The following KLF12 variants were observed in gnomAD, a reference collection of about 807,000 sequenced individuals.
KLF12 encodes Krueppel-like factor 12.
Under a neutral mutation model 37.8 loss-of-function variants are expected in KLF12, and 9 were observed. The observed-to-expected ratio is 0.24, with a 90% CI of 0.14 to 0.42. KLF12 has a LOEUF of 0.42. KLF12 is among the 10% of genes least tolerant of loss of function. The pLI, the probability that KLF12 is intolerant of heterozygous loss-of-function variation, is 1.00. For synonymous variants in KLF12, 208 were observed against 202.1 expected, an observed-to-expected ratio of 1.03 and a Z score of -0.25; for missense variants, 411 against 516.0, an observed-to-expected ratio of 0.80 and a Z score of 1.97.
At chr13:74,083,455 C>T (rs547333613) in intron 1 of KLF12, among the ~76,000 whole-genome samples, 3 of 148,914 alleles carry the variant, frequency 2.0e-5, no homozygotes, top group Non-Finnish European at 3.0e-5. Flanking sequence ...TGCACTGAAC[C>T]GTGATTGTGC....
intron 5 of KLF12, among the ~76,000 whole-genome samples, chr13:73,788,520 G>C (rs748120740): frequency 5.3e-5 from 8 of 152,194 alleles, no homozygotes; most frequent in Non-Finnish European, 1.0e-4. Flanking sequence ...ATACAGGGTG[G>C]TTCATGGTGA....
At chr13:74,254,788 G>T in the KLF12 span, among the ~76,000 whole-genome samples, 1 of 152,128 alleles carries the variant, frequency 6.6e-6, no homozygotes, top group Admixed American at 6.5e-5. Flanking sequence ...GTGTGTGTGT[G>T]TTTGTGTGCG....
intron 1 of KLF12, among the ~76,000 whole-genome samples, chr13:74,050,567 G>A (rs549948089): frequency 5.3e-4 from 81 of 152,268 alleles, no homozygotes; most frequent in Admixed American, 2.5e-3. Flanking sequence ...GAATCTGAAC[G>A]CATTGAGAGG....
At chr13:73,837,104 C>T (rs562285998) in intron 4 of KLF12, among the ~76,000 whole-genome samples, 1 of 152,110 alleles carries the variant, frequency 6.6e-6, no homozygotes, top group Non-Finnish European at 1.5e-5. Context: ...AATGATCCGT[C>T]CTGGGTATCC....
chr13:73,865,179 A>G (rs1886111099), intron 3 of KLF12, among the ~76,000 whole-genome samples: 1 of 152,086 alleles, frequency 6.6e-6, no homozygotes, highest in Admixed American at 6.5e-5. Flanking sequence ...TAGCTCTATA[A>G]TCACATTATC....
chr13:73,732,893 T>C (rs1877176884), intron 6 of KLF12, among the ~76,000 whole-genome samples: 1 of 152,114 alleles, frequency 6.6e-6, no homozygotes, highest in Admixed American at 6.6e-5. Flanking sequence ...TTCCCAGTTT[T>C]CCCTGTCTCA....
At position 73,823,765 on chromosome 13, in the gene KLF12, C is replaced by T. The variant is rs532427999; in HGVS notation, c.671-10478G>A. Among the ~76,000 whole-genome samples, 424 of 152,156 alleles carry T rather than the reference C, an allele frequency of 2.8e-3. 2 individuals are homozygous for T. The highest frequency in any genetic ancestry group is 4.7e-3 in the Non-Finnish European group (317 of 68,002). ...CGCTCTTGTTGCCCAGGCTGGAGTG[C>T]AATGGTGTGATCTTGGCTCACTGCA... On this transcript the variant is annotated intron_variant, in intron 4 of 7. Coordinates refer to ENST00000377669, the MANE Select transcript of KLF12 (RefSeq NM_007249.5).
At chr13:73,821,648 A>C (rs901205706) in intron 4 of KLF12, among the ~76,000 whole-genome samples, 1 of 152,158 alleles carries the variant, frequency 6.6e-6, no homozygotes, top group Admixed American at 6.5e-5. Context: ...GCTTTCCTTA[A>C]GACATTCCTT....
At chr13:73,874,938 A>G (rs1292753411) in intron 3 of KLF12, among the ~76,000 whole-genome samples, 1 of 152,188 alleles carries the variant, frequency 6.6e-6, no homozygotes, top group Non-Finnish European at 1.5e-5. Flanking sequence ...AGTCATTACT[A>G]AAGACCATAT....
chr13:73,962,137 C>A, intron 2 of KLF12: 1 of 375,790 alleles, frequency 2.7e-6, no homozygotes, highest in East Asian at 8.4e-5. Flanking sequence ...TATTAATCAG[C>A]AATAGAAAGA....
At chr13:73,910,498 G>A (rs1247476769) in intron 3 of KLF12, among the ~76,000 whole-genome samples, 1 of 152,030 alleles carries the variant, frequency 6.6e-6, no homozygotes, top group Non-Finnish European at 1.5e-5. Flanking sequence ...TTTAGGTAGT[G>A]GAAATTGTGA....
At chr13:74,215,520 T>G in the KLF12 span, among the ~76,000 whole-genome samples, 1 of 151,448 alleles carries the variant, frequency 6.6e-6, no homozygotes, top group Non-Finnish European at 1.5e-5. Flanking sequence ...AATTGGATGC[T>G]TTCCTCAAAT....
chr13:73,878,574 T>C (rs999009611), intron 3 of KLF12, among the ~76,000 whole-genome samples: 7 of 152,234 alleles, frequency 4.6e-5, no homozygotes, highest in Admixed American at 6.5e-5. Context: ...TATCTTCTCA[T>C]GGTCCTCATC....
intron 3 of KLF12, among the ~76,000 whole-genome samples, chr13:73,910,998 G>A (rs1418940655): frequency 6.6e-6 from 1 of 152,112 alleles, no homozygotes; most frequent in Non-Finnish European, 1.5e-5. Flanking sequence ...GCCCTCAACA[G>A]ATGTGGCCCC....
chr13:73,841,056 A>G (rs779678393), intron 4 of KLF12, among the ~76,000 whole-genome samples: 9 of 151,038 alleles, frequency 6.0e-5, no homozygotes, highest in Non-Finnish European at 7.4e-5. Context: ...ATCATGCCTT[A>G]TTTGTCTTCA....
the KLF12 span, among the ~76,000 whole-genome samples, chr13:74,167,098 C>T: frequency 6.6e-6 from 1 of 152,230 alleles, no homozygotes; most frequent in Non-Finnish European, 1.5e-5. Context: ...CTAATAAATT[C>T]TAGTCTCTAC....
At chr13:73,738,055 GTA>G (rs549205124) in intron 6 of KLF12, among the ~76,000 whole-genome samples, 2,044 of 97,086 alleles carry the variant, frequency 0.021, 38 homozygotes, top group South Asian at 0.049. Context: ...ACATACGTGT[GTA>G]TATATATATA....
chr13:73,914,860 G>C (rs944004726), intron 3 of KLF12, among the ~76,000 whole-genome samples: 5 of 151,468 alleles, frequency 3.3e-5, no homozygotes, highest in African/African-American at 1.2e-4. Context: ...GCTCGTTTTT[G>C]CTTTCATTGA....
At chr13:74,132,783 C>T (rs1285094444) in intron 1 of KLF12, among the ~76,000 whole-genome samples, 4 of 152,210 alleles carry the variant, frequency 2.6e-5, no homozygotes, top group Admixed American at 2.0e-4. Flanking sequence ...CTCAAATGCA[C>T]TGCGAAACAA....
Sources: allele counts gnomAD v4.1 joint callset (sites outside exome capture counted in the v4.1 genomes callset), GRCh38; gene constraint gnomAD v4.1.1; transcripts MANE v1.5; gene names NCBI Gene and HGNC (gene_info 2026-07-23, HGNC 2026-07-21).